Variants in CACNA1E observed in about 807,000 individuals in gnomAD.
CACNA1E encodes voltage-dependent R-type calcium channel subunit alpha-1E.
In CACNA1E, 40 loss-of-function variants were observed where a neutral mutation model predicts 259.2. The ratio of observed to expected loss-of-function variants is 0.15; its 90% CI spans 0.12 to 0.20. The LOEUF (loss-of-function observed/expected upper bound fraction) is 0.20. Ranked by LOEUF, CACNA1E falls within the 10% of genes least tolerant of loss-of-function variation. The probability of loss-of-function intolerance (pLI) is 1.00; values close to 1 mark genes in which losing one functional copy is unlikely to be tolerated. For missense variants in CACNA1E, 1,874 were observed against 3,040.1 expected, an observed-to-expected ratio of 0.62 and a Z score of 9.02; for synonymous variants, 1,104 against 1,138.5, an observed-to-expected ratio of 0.97 and a Z score of 0.61.
chr1:181,578,329 A>T (rs1342590698), intron 4 of CACNA1E, among the ~76,000 whole-genome samples: 7 of 152,160 alleles, frequency 4.6e-5, no homozygotes. Flanking sequence ...AGGTGGGTGG[A>T]TTGCTTGAGT....
intron 37 of CACNA1E, 36 bp downstream of exon 37, chr1:181,772,267 C>T: frequency 1.3e-6 from 2 of 1,592,834 alleles, no homozygotes; most frequent in South Asian, 2.3e-5. Flanking sequence ...GCTATGTGGC[C>T]CATCCCATCC....
chr1:181,772,051 G>A lies in CACNA1E; in HGVS notation c.4974-15G>A, dbSNP rs780417024. 2.7e-5 allele frequency: 44 copies of A among 1,611,408 alleles called. No individual in the cohort carries two copies. Among genetic ancestry groups the A allele is most frequent in the Non-Finnish European group, 3.5e-5 (41 of 1,178,358 alleles). On this transcript the variant is annotated splice_polypyrimidine_tract_variant and intron_variant, in intron 36 of 47. Coordinates refer to ENST00000367573, the MANE Select transcript of CACNA1E (RefSeq NM_001205293.3). ...CAGAGCTGCTCCTGCTAACCAAAATGTCTCTTGGGCTCAGGAGTGCCACAG... is the reference window on the plus strand; with the variant it reads ...CAGAGCTGCTCCTGCTAACCAAAATATCTCTTGGGCTCAGGAGTGCCACAG...
intron 6 of CACNA1E, among the ~76,000 whole-genome samples, chr1:181,651,025 A>G (rs1658708952): frequency 1.3e-5 from 2 of 152,358 alleles, no homozygotes; most frequent in East Asian, 1.9e-4. Flanking sequence ...ACCAAATGCT[A>G]TAAAACCAGT....
intron 1 of CACNA1E, among the ~76,000 whole-genome samples, chr1:181,397,472 T>G (rs1656764334): frequency 6.6e-6 from 1 of 152,176 alleles, no homozygotes; most frequent in Non-Finnish European, 1.5e-5. Flanking sequence ...GGCTAATTTT[T>G]GTATTTTTAG....
intron 6 of CACNA1E, among the ~76,000 whole-genome samples, chr1:181,626,540 G>C (rs965482012): frequency 4.6e-5 from 7 of 152,196 alleles, no homozygotes; most frequent in Admixed American, 4.6e-4. Context: ...ATGACAACTA[G>C]ATTTACCTTG....
intron 1 of CACNA1E, among the ~76,000 whole-genome samples, chr1:181,405,919 T>G (rs183523415): frequency 3.2e-4 from 49 of 152,362 alleles, no homozygotes; most frequent in Admixed American, 5.2e-4. Flanking sequence ...CAGGACCAGG[T>G]GCCTGTTTTT....
chr1:181,604,510 TGCAG>T (rs1417433028), intron 6 of CACNA1E, among the ~76,000 whole-genome samples: 1 of 152,218 alleles, frequency 6.6e-6, no homozygotes, highest in African/African-American at 2.4e-5. Flanking sequence ...GTTTGGCCCT[TGCAG>T]GCAGTATTTT....
chr1:181,639,626 CAG>C (rs1330853274), intron 6 of CACNA1E, among the ~76,000 whole-genome samples: 1 of 152,208 alleles, frequency 6.6e-6, no homozygotes, highest in Non-Finnish European at 1.5e-5. Flanking sequence ...TAATGAACGG[CAG>C]AGAGAGCTAT....
chr1:181,435,758 T>C (rs1488629503), intron 2 of CACNA1E, among the ~76,000 whole-genome samples: 1 of 152,260 alleles, frequency 6.6e-6, no homozygotes, highest in African/African-American at 2.4e-5. Flanking sequence ...GGAGTTCCTT[T>C]CCTTGGAATG....
At position 181,744,441 on chromosome 1, in the gene CACNA1E, T is replaced by G. The variant is rs937199933; in HGVS notation, c.3719+5188T>G. 2.6e-5 allele frequency among the ~76,000 whole-genome samples: 4 copies of G among 152,148 alleles called. No individual in the cohort carries two copies. In the South Asian group the frequency reaches 8.3e-4, roughly 32 times the overall value. Reference sequence around the variant, plus strand: ...AGAATATGGTCCTCTGGTTCCGGATTTGCTTGTGGGATTTTGTGTTTTAGA... The same window carrying G: ...AGAATATGGTCCTCTGGTTCCGGATGTGCTTGTGGGATTTTGTGTTTTAGA... On this transcript the variant is annotated intron_variant, in intron 25 of 47. Transcript: ENST00000367573.
intron 43 of CACNA1E, among the ~76,000 whole-genome samples, chr1:181,787,337 C>T (rs1421578389): frequency 2.6e-5 from 4 of 152,104 alleles, no homozygotes; most frequent in African/African-American, 9.7e-5. Context: ...GTCTCGATCT[C>T]CTGCCCTCAT....
intron 7 of CACNA1E, among the ~76,000 whole-genome samples, chr1:181,662,062 C>T (rs770099224): frequency 1.3e-5 from 2 of 152,124 alleles, no homozygotes; most frequent in Non-Finnish European, 2.9e-5. Flanking sequence ...CTATGATGAC[C>T]AGAGTGGGGT....
intron 37 of CACNA1E, 61 bp downstream of exon 37, chr1:181,772,292 T>C: frequency 6.6e-7 from 1 of 1,514,530 alleles, no homozygotes; most frequent in South Asian, 1.2e-5. Context: ...CCTAACCCTC[T>C]GATACATAGA....
At chr1:181,340,082 A>G (rs1409055099) in intron 1 of CACNA1E, among the ~76,000 whole-genome samples, 1 of 150,096 alleles carries the variant, frequency 6.7e-6, no homozygotes, top group African/African-American at 2.4e-5. Context: ...AGCACTTTTC[A>G]TGGCTTTATT....
Position 181,497,929 on chromosome 1 carries a change from C to T in CACNA1E, c.267-12548C>T, listed in dbSNP as rs572053171. ...CATCCTGGCCTGGGTCACTGGAATG[C>T]GAGCTTGAGTCGGAATCTGAGATCT... On this transcript the variant is annotated intron_variant, in intron 1 of 47. Coordinates refer to ENST00000367573, the MANE Select transcript of CACNA1E (RefSeq NM_001205293.3). 4.6e-5 allele frequency among the ~76,000 whole-genome samples: 7 copies of T among 152,290 alleles called. No individual in the cohort carries two copies. In the East Asian group the frequency reaches 9.6e-4, roughly 21 times the overall value.
At chr1:181,392,669 A>G (rs916534962) in intron 1 of CACNA1E, among the ~76,000 whole-genome samples, 1 of 152,224 alleles carries the variant, frequency 6.6e-6, no homozygotes, top group Admixed American at 6.5e-5. Context: ...CTGAGCAGGT[A>G]GAAATGTGTG....
At chr1:181,716,223 C>A in intron 10 of CACNA1E, 94 bp downstream of exon 10, 2 of 703,752 alleles carry the variant, frequency 2.8e-6, no homozygotes, top group South Asian at 2.0e-5. Flanking sequence ...GGGAAAGAAT[C>A]CAAAGGGTCC....
intron 7 of CACNA1E, among the ~76,000 whole-genome samples, chr1:181,699,046 C>T (rs1483176080): frequency 6.6e-6 from 1 of 152,150 alleles, no homozygotes; most frequent in Non-Finnish European, 1.5e-5. Context: ...AATAGGTGTA[C>T]AGCTTGTTTT....
At chr1:181,327,017 C>G (rs1379436604) in intron 1 of CACNA1E, among the ~76,000 whole-genome samples, 1 of 152,172 alleles carries the variant, frequency 6.6e-6, no homozygotes, top group Non-Finnish European at 1.5e-5. Context: ...TTTGCACTCC[C>G]TTGGCATCCC....
Sources: allele counts gnomAD v4.1 joint callset (sites outside exome capture counted in the v4.1 genomes callset), GRCh38; gene constraint gnomAD v4.1.1; transcripts MANE v1.5; gene names NCBI Gene and HGNC (gene_info 2026-07-23, HGNC 2026-07-21).